The following NBDY variants were observed in gnomAD, a reference collection of about 807,000 sequenced individuals.
The protein encoded by NBDY is P-body dissociating protein.
At chrX:56,739,284 T>A (rs201536299) in intron 2 of NBDY, among the ~76,000 whole-genome samples, 84 of 74,991 alleles carry the variant, frequency 1.1e-3, no homozygotes, top group East Asian at 7.9e-3. Flanking sequence ...ATATATATTT[T>A]TATATATATA....
chrX:56,756,077 TG>T (rs2069609417), intron 2 of NBDY, among the ~76,000 whole-genome samples: 1 of 94,443 alleles, frequency 1.1e-5, no homozygotes, highest in Non-Finnish European at 2.0e-5. Context: ...CACTCATAGG[TG>T]GGAATTGAAC....
intron 2 of NBDY, chrX:56,737,632 A>G (rs1260549533): frequency 7.8e-6 from 3 of 385,697 alleles, no homozygotes; most frequent in Non-Finnish European, 1.4e-5. Flanking sequence ...CAAAAATTAT[A>G]CACTGGCTGC....
At chrX:56,791,003 C>G (rs2069759359) in intron 2 of NBDY, among the ~76,000 whole-genome samples, 1 of 112,582 alleles carries the variant, frequency 8.9e-6, no homozygotes, top group African/African-American at 3.2e-5. Context: ...CTGACGCTTT[C>G]TCTTGGCTGG....
At chrX:56,798,512 G>A (rs1190311629) in intron 2 of NBDY, among the ~76,000 whole-genome samples, 1 of 111,679 alleles carries the variant, frequency 9.0e-6, no homozygotes, top group Non-Finnish European at 1.9e-5. Flanking sequence ...CAGTCTGCCC[G>A]TTCTGGTGAC....
intron 2 of NBDY, among the ~76,000 whole-genome samples, chrX:56,791,720 C>T (rs1270099711): frequency 1.8e-5 from 2 of 111,760 alleles, no homozygotes; most frequent in East Asian, 5.6e-4. Context: ...ACTACAGTGG[C>T]ATGGACCTTT....
chrX:56,767,506 G>T (rs1284947743), intron 2 of NBDY, among the ~76,000 whole-genome samples: 1 of 112,743 alleles, frequency 8.9e-6, no homozygotes, highest in South Asian at 3.6e-4. Context: ...AGCCGCGGGC[G>T]GTAACACGAG....
intron 2 of NBDY, among the ~76,000 whole-genome samples, chrX:56,735,905 A>T (rs1221872706): frequency 9.2e-6 from 1 of 108,828 alleles, no homozygotes; most frequent in Non-Finnish European, 1.9e-5. Context: ...AAGAAAATTG[A>T]CATGATTTCA....
At chrX:56,745,081 G>A (rs2069549988) in intron 2 of NBDY, among the ~76,000 whole-genome samples, 1 of 111,193 alleles carries the variant, frequency 9.0e-6, no homozygotes, top group South Asian at 3.8e-4. Context: ...AGTAAAATAA[G>A]GATTACGTGA....
At chrX:56,761,027 C>A (rs1166037452) in intron 2 of NBDY, among the ~76,000 whole-genome samples, 2 of 111,926 alleles carry the variant, frequency 1.8e-5, no homozygotes, top group South Asian at 3.8e-4. Flanking sequence ...GAGACTGGCG[C>A]GTGCCTAGAG....
chrX:56,815,395 T>A (rs182701956), intron 2 of NBDY, among the ~76,000 whole-genome samples: 2 of 111,872 alleles, frequency 1.8e-5, no homozygotes, highest in African/African-American at 6.5e-5. Context: ...TTGTCCACTT[T>A]TAAAATTCTA....
At chrX:56,763,326 C>T (rs774056503) in intron 2 of NBDY, among the ~76,000 whole-genome samples, 6 of 112,035 alleles carry the variant, frequency 5.4e-5, no homozygotes, top group Non-Finnish European at 1.1e-4. Context: ...CTCCTCCCAC[C>T]CCCATCTGTG....
At chrX:56,765,088 C>A (rs1391066446) in intron 2 of NBDY, among the ~76,000 whole-genome samples, 2 of 112,028 alleles carry the variant, frequency 1.8e-5, no homozygotes, top group Non-Finnish European at 3.8e-5. Flanking sequence ...TACTTTTTCT[C>A]CACTTCTGCT....
In NBDY at chrX:56,818,445, C is replaced by G. The variant is rs1161270141; in HGVS notation, c.*1292C>G. On this transcript the variant is annotated 3_prime_UTR_variant, in exon 3 of 3. Transcript: ENST00000374922. ...TTATGCACACTTAATAAATTATAGA[C>G]AGTTATTTTAAAGATTGTATAATAT... 3.6e-5 allele frequency: 4 copies of G among 111,691 alleles called. No homozygotes were observed. The highest frequency in any genetic ancestry group is 7.5e-5 in the Non-Finnish European group (4 of 53,104). The allele number at this position is 111,691 out of a possible 1,213,427, so 9.2% of individuals were successfully genotyped here. A position where few individuals can be genotyped will look rare whatever the true frequency, so the allele number is the denominator to read the frequency against.
intron 2 of NBDY, among the ~76,000 whole-genome samples, chrX:56,764,702 CAAAAAAAA>C (rs10623590): frequency 3.3e-5 from 2 of 60,801 alleles, no homozygotes; most frequent in South Asian, 1.3e-3. Context: ...AAACAAACAC[CAAAAAAAA>C]AAAAAAAAAA....
intron 2 of NBDY, among the ~76,000 whole-genome samples, chrX:56,781,078 G>A (rs765500352): frequency 9.0e-5 from 10 of 111,584 alleles, no homozygotes; most frequent in African/African-American, 2.6e-4. Flanking sequence ...AGTAAGGAAC[G>A]CAGGAACTTT....
intron 2 of NBDY, among the ~76,000 whole-genome samples, chrX:56,748,626 G>T (rs954587049): frequency 2.8e-5 from 3 of 107,915 alleles, no homozygotes; most frequent in African/African-American, 1.0e-4. Flanking sequence ...GGAGTAATAG[G>T]ATGAGGGGGA....
chrX:56,801,367 T>C (rs981817440), intron 2 of NBDY, among the ~76,000 whole-genome samples: 2 of 110,317 alleles, frequency 1.8e-5, no homozygotes, highest in Non-Finnish European at 3.8e-5. Flanking sequence ...CTCCTTCTCC[T>C]TCTCATTTTT....
At chrX:56,790,288 T>C (rs920685180) in intron 2 of NBDY, among the ~76,000 whole-genome samples, 1 of 112,544 alleles carries the variant, frequency 8.9e-6, no homozygotes, top group African/African-American at 3.2e-5. Context: ...TTACAAATCT[T>C]CCTGGATGTG....
chrX:56,749,328 C>T lies in NBDY; in HGVS notation c.*166+17129C>T, dbSNP rs764822737. On this transcript the variant is annotated intron_variant, in intron 2 of 2. Transcript: ENST00000374922. The stretch of plus-strand genomic sequence containing the variant: ...TTTAAATATATCATCAGATTAAACA[C>T]TTATTTTTGTTAATCTAGACCTTGA... 4.5e-5 allele frequency among the ~76,000 whole-genome samples: 5 copies of T among 111,389 alleles called. No individual in the cohort carries two copies. The South Asian group carries it at 1.9e-3, about 42-fold the overall frequency.
Sources: gnomAD v4.1 joint callset for allele counts (sites outside exome capture counted in the v4.1 genomes callset) on GRCh38, gnomAD v4.1.1 for gene constraint, MANE v1.5 for transcripts, NCBI Gene and HGNC (gene_info 2026-07-23, HGNC 2026-07-21) for gene names.